BICC1: variants seen among roughly 807,000 people sequenced by gnomAD.
BICC1 encodes BicC family RNA binding protein 1, also known as protein bicaudal C homolog 1.
BICC1 carries 43 observed loss-of-function variants against 111.0 expected under a neutral mutation model. The observed-to-expected ratio is 0.39, with a 90% CI of 0.30 to 0.50. The LOEUF (loss-of-function observed/expected upper bound fraction) is 0.50. Ranked by LOEUF, BICC1 falls within the 20% of genes least tolerant of loss-of-function variation. BICC1 has a pLI of 0.88. For synonymous variants in BICC1, 467 were observed against 434.4 expected, an observed-to-expected ratio of 1.07 and a Z score of -0.93; for missense variants, 1,091 against 1,203.2, an observed-to-expected ratio of 0.91 and a Z score of 1.38.
At chr10:58,768,401 A>G (rs1009222119) in intron 3 of BICC1, among the ~76,000 whole-genome samples, 1 of 152,184 alleles carries the variant, frequency 6.6e-6, no homozygotes, top group Non-Finnish European at 1.5e-5. Context: ...TATCCCAGAC[A>G]AACAAAAGCT....
At chr10:58,542,098 C>T (rs920701069) in intron 1 of BICC1, among the ~76,000 whole-genome samples, 1 of 140,442 alleles carries the variant, frequency 7.1e-6, no homozygotes, top group African/African-American at 2.6e-5. Context: ...CAGCAGAGAG[C>T]TGTGATCACG....
chr10:58,624,443 A>T (rs1266100360), intron 2 of BICC1, among the ~76,000 whole-genome samples: 1 of 152,166 alleles, frequency 6.6e-6, no homozygotes, highest in African/African-American at 2.4e-5. Flanking sequence ...ACATTTTGAT[A>T]CTCAGTCTGA....
intron 3 of BICC1, among the ~76,000 whole-genome samples, chr10:58,718,749 T>TGTGTGA (rs1437498128): frequency 3.3e-5 from 5 of 149,444 alleles, no homozygotes; most frequent in Non-Finnish European, 7.4e-5. Context: ...GAAATGTGTG[T>TGTGTGA]GTGTGTGTGT....
chr10:58,604,743 A>ATAGTTGGAATGGTGTCT (rs1845154531), intron 1 of BICC1, among the ~76,000 whole-genome samples: 1 of 152,190 alleles, frequency 6.6e-6, no homozygotes, highest in Admixed American at 6.5e-5. Context: ...TTTAGAAAAC[A>ATAGTTGGAATGGTGTCT]TAGTTGGAAT....
Position 58,800,307 on chromosome 10 carries a change from C to G in BICC1, c.1839C>G (p.Pro613=). ...CAAGTGGGTCTGAGCAGACATCTCC[C>G]AAATCAAGCCCCACTGAAGGTCGGG... The part of the protein sequence containing the change: ...IQTSGSEQTS[P]KSSPTEGCND... Residue 613 remains proline (P), a synonymous_variant, in exon 13 of 21, where the codon CCC becomes CCG. Coordinates refer to ENST00000373886, the MANE Select transcript of BICC1 (RefSeq NM_001080512.3). 3.7e-6 allele frequency: 6 copies of G among 1,613,322 alleles called. No individual in the cohort carries two copies. In the East Asian group the frequency reaches 1.3e-4, roughly 36 times the overall value.
chr10:58,751,250 G>A (rs944999485), intron 3 of BICC1, among the ~76,000 whole-genome samples: 3 of 152,010 alleles, frequency 2.0e-5, no homozygotes, highest in African/African-American at 4.8e-5. Context: ...TAACTGAAAC[G>A]TTCCTTTTTA....
At chr10:58,723,887 A>G (rs938773702) in intron 3 of BICC1, among the ~76,000 whole-genome samples, 8 of 152,314 alleles carry the variant, frequency 5.3e-5, no homozygotes, top group African/African-American at 1.4e-4. Context: ...CAATTTGGCA[A>G]TTCTCAGCAT....
intron 2 of BICC1, among the ~76,000 whole-genome samples, chr10:58,684,157 G>C (rs2132377123): frequency 6.6e-6 from 1 of 152,250 alleles, no homozygotes; most frequent in South Asian, 2.1e-4. Context: ...CTTTGGTTTT[G>C]TTTATATGAT....
chr10:58,826,985 A>T (rs1423657168), intron 20 of BICC1, among the ~76,000 whole-genome samples: 2 of 152,202 alleles, frequency 1.3e-5, no homozygotes, highest in African/African-American at 4.8e-5. Context: ...GACTGTTTCC[A>T]TTGATACTTT....
intron 10 of BICC1, 91 bp from the exon 11 acceptor site, chr10:58,798,308 C>A: frequency 1.1e-6 from 1 of 937,980 alleles, no homozygotes; most frequent in Non-Finnish European, 1.5e-6. Context: ...CAGATTATAT[C>A]ATTGTGCATT....
Position 58,789,364 on chromosome 10 carries a change from T to C in BICC1, c.703T>C (p.Tyr235His). Residue 235 changes from tyrosine to histidine, a missense_variant, in exon 7 of 21, where the codon TAC becomes CAC. This residue lies in a region of BICC1 where 843 missense variants were observed against 900.8 expected (regional missense o/e 0.94). Coordinates refer to ENST00000373886, the MANE Select transcript of BICC1 (RefSeq NM_001080512.3). ...CTCTATTCAGCATATATCACAAACG[T>C]ACAATATTTCAGTATCATTTAAACA... ...SPSIQHISQT[Y>H]NISVSFKQRS... 1 of 1,614,024 alleles carries C rather than the reference T, an allele frequency of 6.2e-7. No homozygotes were observed. The highest frequency in any genetic ancestry group is 8.5e-7 in the Non-Finnish European group (1 of 1,179,944).
chr10:58,527,187 A>G (rs1048781563), intron 1 of BICC1, among the ~76,000 whole-genome samples: 2 of 152,192 alleles, frequency 1.3e-5, no homozygotes, highest in African/African-American at 2.4e-5. Context: ...AGTGATGATG[A>G]ACATTTTTTC....
chr10:58,613,977 T>A (rs1845520608), intron 1 of BICC1, among the ~76,000 whole-genome samples: 1 of 152,218 alleles, frequency 6.6e-6, no homozygotes, highest in South Asian at 2.1e-4. Flanking sequence ...ATCTTATTTT[T>A]TTTAAATGAG....
intron 1 of BICC1, among the ~76,000 whole-genome samples, chr10:58,519,622 A>T (rs945605229): frequency 2.6e-5 from 4 of 151,816 alleles, no homozygotes; most frequent in East Asian, 1.9e-4. Flanking sequence ...TTAAATTATA[A>T]TTTTTTTTCA....
chr10:58,749,576 G>T (rs530587085), intron 3 of BICC1, among the ~76,000 whole-genome samples: 47 of 152,086 alleles, frequency 3.1e-4, no homozygotes, highest in Non-Finnish European at 5.3e-4. Context: ...TTGTTCAAAT[G>T]TGACTTTTAC....
intron 1 of BICC1, among the ~76,000 whole-genome samples, chr10:58,577,166 G>C (rs2131998655): frequency 6.6e-6 from 1 of 152,218 alleles, no homozygotes; most frequent in Middle Eastern, 3.4e-3. Context: ...ACCATTCAGT[G>C]GGTGCCTACC....
chr10:58,587,390 G>A (rs553382938), intron 1 of BICC1, among the ~76,000 whole-genome samples: 1 of 152,256 alleles, frequency 6.6e-6, no homozygotes, highest in South Asian at 2.1e-4. Context: ...TGGCCCAGAT[G>A]CTTTATGGAA....
At chr10:58,595,496 G>C (rs1844782316) in intron 1 of BICC1, among the ~76,000 whole-genome samples, 1 of 152,040 alleles carries the variant, frequency 6.6e-6, no homozygotes, top group East Asian at 1.9e-4. Flanking sequence ...GCAAAAGAAT[G>C]GAAATCATAA....
At chr10:58,757,780 C>T (rs1682528404) in intron 3 of BICC1, among the ~76,000 whole-genome samples, 1 of 152,152 alleles carries the variant, frequency 6.6e-6, no homozygotes, top group South Asian at 2.1e-4. Context: ...CCAGAGATGC[C>T]ATAAATATCA....
Sources: allele counts gnomAD v4.1 joint callset (sites outside exome capture counted in the v4.1 genomes callset), GRCh38; gene constraint gnomAD v4.1.1; regional missense constraint gnomAD v4.1.1; transcripts MANE v1.5; gene names NCBI Gene and HGNC (gene_info 2026-07-23, HGNC 2026-07-21).